CCDC141: variants seen among roughly 807,000 people sequenced by gnomAD.
The protein encoded by CCDC141 is coiled-coil domain-containing protein 141.
A neutral mutation model predicts 181.0 loss-of-function variants in CCDC141; 168 were observed. That is an observed-to-expected ratio of 0.93 (90% CI 0.82 to 1.05). The LOEUF (loss-of-function observed/expected upper bound fraction) is 1.05, where lower values mean the gene tolerates loss of function less well. Among genes scored for constraint, CCDC141 ranks in the 50% least tolerant of loss-of-function variants. The pLI is 0.00. For synonymous variants in CCDC141, 666 were observed against 642.3 expected (o/e 1.04, Z -0.56); for missense variants, 1,902 against 1,788.5 (o/e 1.06, Z -1.14).
At chr2:178,853,712 T>C (rs1356104007) in intron 19 of CCDC141, 88 bp from the exon 20 acceptor site, 1 of 1,076,476 alleles carries the variant, frequency 9.3e-7, no homozygotes, top group Non-Finnish European at 1.3e-6. Context: ...CAAATTTTAA[T>C]TCCCTCAACT....
Position 178,834,089 on chromosome 2 carries a change from G to T in CCDC141, c.*84C>A. The T allele has an allele frequency of 7.4e-7, 1 of 1,344,568 alleles. No individual in the cohort carries two copies. The highest frequency in any genetic ancestry group is 1.0e-6 in the Non-Finnish European group (1 of 986,298). The allele number at this position is 1,344,568 out of a possible 1,614,324, so 83.3% of individuals were successfully genotyped here. A position where few individuals can be genotyped will look rare whatever the true frequency, so the allele number is the denominator to read the frequency against. ...ACTGGAGATACACTTGGTGGGAGAT[G>T]CTTTGCAGGAGGTGCAGGAAGATAA... is the stretch of plus-strand genomic sequence containing the variant. On this transcript the variant is annotated 3_prime_UTR_variant, in exon 24 of 24. Transcript: ENST00000443758.
At chr2:178,836,598 C>G (rs1164656070) in intron 23 of CCDC141, 4 of 244,754 alleles carry the variant, frequency 1.6e-5, no homozygotes, top group African/African-American at 9.0e-5. Flanking sequence ...AACCCACAAT[C>G]TTTAGAAATG....
chr2:179,015,603 A>ATAGCTCATATATATCTCATATG, intron 2 of CCDC141, among the ~76,000 whole-genome samples: 1 of 63,992 alleles, frequency 1.6e-5, no homozygotes, highest in African/African-American at 4.1e-5. Context: ...TGTATCTCAT[A>ATAGCTCATATATATCTCATATG]TATCTCATAT....
At chr2:178,945,079 A>G (rs964968028) in intron 5 of CCDC141, among the ~76,000 whole-genome samples, 2 of 152,202 alleles carry the variant, frequency 1.3e-5, no homozygotes, top group African/African-American at 4.8e-5. Flanking sequence ...CTGCCATAAA[A>G]TAGACTATGC....
chr2:178,853,532 G>C lies in CCDC141; in HGVS notation c.3153C>G (p.Leu1051=). The part of the protein sequence containing the change: ...ECKTKEAVKI[L]HQQFNKFIAP... ...CAATAAACTTATTAAACTGCTGGTG[G>C]AGAATTTTCACAGCTTCCTTTGTCT... Residue 1051 remains leucine (L), a synonymous_variant, in exon 20 of 24, where the codon CTC becomes CTG. Transcript: ENST00000443758. The C allele has an allele frequency of 6.2e-7, 1 of 1,614,098 alleles. No individual in the cohort carries two copies. The highest frequency in any genetic ancestry group is 8.5e-7 in the Non-Finnish European group (1 of 1,179,944).
the CCDC141 span, among the ~76,000 whole-genome samples, chr2:178,821,211 A>G: frequency 1.3e-5 from 2 of 152,166 alleles, no homozygotes; most frequent in African/African-American, 4.8e-5. Context: ...GTTTGGGTAT[A>G]CCAAGTTTTT....
At chr2:178,875,675 T>C (rs1686327819) in intron 12 of CCDC141, 1 of 152,022 alleles carries the variant, frequency 6.6e-6, no homozygotes, top group African/African-American at 2.4e-5. Flanking sequence ...CAAGAAAGTA[T>C]TGGAAAGATG....
chr2:178,961,154 G>A, intron 5 of CCDC141, 76 bp downstream of exon 5: 1 of 1,455,928 alleles, frequency 6.9e-7, no homozygotes, highest in Non-Finnish European at 9.2e-7. Context: ...CTGACAAACT[G>A]CCCCAGGGAA....
intron 2 of CCDC141, among the ~76,000 whole-genome samples, chr2:179,015,358 T>TA (rs2042451143): frequency 7.2e-6 from 1 of 139,172 alleles, no homozygotes; most frequent in Admixed American, 7.6e-5. Flanking sequence ...ATCATACATA[T>TA]CCCATATATG....
chr2:178,937,567 T>C (rs112203603), intron 6 of CCDC141, among the ~76,000 whole-genome samples: 20 of 152,066 alleles, frequency 1.3e-4, no homozygotes, highest in Non-Finnish European at 2.6e-4. Context: ...TTGTTGTGTC[T>C]CTGCCGGGTT....
intron 8 of CCDC141, among the ~76,000 whole-genome samples, chr2:178,894,208 G>A (rs1026718429): frequency 6.6e-5 from 10 of 152,098 alleles, no homozygotes; most frequent in Admixed American, 1.3e-4. Flanking sequence ...ACGCTTGTGT[G>A]ACCCTGATCA....
At chr2:178,991,768 T>A (rs1692066926) in intron 2 of CCDC141, among the ~76,000 whole-genome samples, 1 of 152,048 alleles carries the variant, frequency 6.6e-6, no homozygotes, top group Non-Finnish European at 1.5e-5. Flanking sequence ...AGTGTAGAAA[T>A]GTACCAAAAT....
intron 6 of CCDC141, among the ~76,000 whole-genome samples, chr2:178,930,463 A>G (rs1053469972): frequency 1.3e-5 from 2 of 152,122 alleles, no homozygotes; most frequent in African/African-American, 4.8e-5. Context: ...TGATCCTAAT[A>G]TTAATGTGGA....
intron 2 of CCDC141, among the ~76,000 whole-genome samples, chr2:179,015,317 C>G (rs1218596992): frequency 7.1e-6 from 1 of 140,984 alleles, no homozygotes; most frequent in Admixed American, 7.3e-5. Context: ...ATACATATCT[C>G]ATATATGTAT....
intron 7 of CCDC141, among the ~76,000 whole-genome samples, chr2:178,910,646 G>T (rs1688181074): frequency 6.6e-6 from 1 of 152,190 alleles, no homozygotes; most frequent in African/African-American, 2.4e-5. Context: ...ATCTGCCCAA[G>T]CTTTCAAATG....
intron 6 of CCDC141, among the ~76,000 whole-genome samples, chr2:178,931,994 C>G (rs114412892): frequency 0.057 from 8,684 of 151,846 alleles, 367 homozygotes; most frequent in Non-Finnish European, 0.086. Flanking sequence ...GATGAAACCC[C>G]GTCTCTACTA....
intron 11 of CCDC141, among the ~76,000 whole-genome samples, chr2:178,881,794 C>T (rs748604780): frequency 1.3e-5 from 2 of 151,724 alleles, no homozygotes; most frequent in Non-Finnish European, 2.9e-5. Flanking sequence ...CCTGGGAGGC[C>T]GAGGTGGGAG....
At chr2:178,861,216 G>T (rs1261486387) in intron 17 of CCDC141, among the ~76,000 whole-genome samples, 1 of 151,698 alleles carries the variant, frequency 6.6e-6, no homozygotes, top group Non-Finnish European at 1.5e-5. Flanking sequence ...GTCCAGGCTA[G>T]AGTGCAGTGA....
At chr2:178,868,271 A>G (rs1685943391) in intron 15 of CCDC141, 66 bp from the exon 16 acceptor site, 1 of 1,375,452 alleles carries the variant, frequency 7.3e-7, no homozygotes, top group South Asian at 1.3e-5. Context: ...TTTAAGCCTA[A>G]TTTCTATAGC....
Sources: allele counts gnomAD v4.1 joint callset (sites outside exome capture counted in the v4.1 genomes callset), GRCh38; gene constraint gnomAD v4.1.1; transcripts MANE v1.5; gene names NCBI Gene and HGNC (gene_info 2026-07-23, HGNC 2026-07-21).